Variants in HLA-DQA1 observed in about 807,000 individuals in gnomAD.
HLA-DQA1 encodes the protein major histocompatibility complex, class II, DQ alpha 1.
A neutral mutation model predicts 20.7 loss-of-function variants in HLA-DQA1; 10 were observed. That is an observed-to-expected ratio of 0.48 (90% CI 0.30 to 0.82). The LOEUF is 0.82. HLA-DQA1 is among the 40% of genes least tolerant of loss of function. The probability of loss-of-function intolerance (pLI) is 0.07; values close to 1 mark genes in which losing one functional copy is unlikely to be tolerated. For missense variants in HLA-DQA1, 127 were observed against 293.0 expected (o/e 0.43, Z 4.14); for synonymous variants, 39 against 109.2 (o/e 0.36, Z 4.01).
the HLA-DQA1 span, among the ~76,000 whole-genome samples, chr6:32,653,026 C>A: frequency 0.015 from 2,263 of 148,722 alleles, 75 homozygotes; most frequent in East Asian, 0.14. Context: ...TAGGTGGATT[C>A]TTCCTGGGAA....
intron 1 of HLA-DQA1, chr6:32,639,364 G>A (rs9272561): frequency 0.36 from 37,678 of 103,796 alleles, 11,305 homozygotes; most frequent in Admixed American, 0.45. Context: ...CCATATTTTT[G>A]TGGAGGAAGA....
chr6:32,653,608 T>C, the HLA-DQA1 span, among the ~76,000 whole-genome samples: 1 of 100,120 alleles, frequency 1.0e-5, no homozygotes, highest in African/African-American at 3.4e-5. Context: ...AAATTAAAAA[T>C]AGAACTACCA....
rs1780999442 is a variant in HLA-DQA1 at position 32,637,816 on chromosome 6, C to A, written c.82+276C>A. Among the ~76,000 whole-genome samples, 2 of 117,914 alleles carry A rather than the reference C, an allele frequency of 1.7e-5. 1 individual carries two copies. Among genetic ancestry groups the A allele is most frequent in the Non-Finnish European group, 3.7e-5 (2 of 54,364 alleles). 77.4% of individuals were successfully genotyped at this position (117,914 alleles called of 152,430 possible). A position where few individuals can be genotyped will look rare whatever the true frequency, so the allele number is the denominator to read the frequency against. On this transcript the variant is annotated intron_variant, in intron 1 of 4. Transcript: ENST00000343139. ...TCTCTATGTCGTTCCATCATGATTG[C>A]CTCAAAAATTAGTGAGGTTTCCATC...
downstream of HLA-DQA1, among the ~76,000 whole-genome samples, chr6:32,651,548 C>G (rs1159599057): frequency 1.6e-5 from 1 of 63,810 alleles, no homozygotes; most frequent in Non-Finnish European, 3.1e-5. Flanking sequence ...CGAGCCACTG[C>G]ACTCCAGCCT....
downstream of HLA-DQA1, chr6:32,645,756 A>C (rs796176254): frequency 1.5e-5 from 1 of 68,020 alleles, no homozygotes. Context: ...ATTAAAATGC[A>C]CAACGTGCTA....
chr6:32,648,888 G>A (rs200230551), downstream of HLA-DQA1, among the ~76,000 whole-genome samples: 3 of 97,012 alleles, frequency 3.1e-5, 1 homozygote, highest in Admixed American at 2.5e-4. Flanking sequence ...AAAGCCCATC[G>A]TCTCAGCCCA....
chr6:32,649,168 G>GGATA (rs2150985078), downstream of HLA-DQA1, among the ~76,000 whole-genome samples: 2 of 96,308 alleles, frequency 2.1e-5, 1 homozygote, highest in Non-Finnish European at 4.6e-5. Context: ...CAATGCTCGT[G>GGATA]GATAGGAAGA....
chr6:32,647,622 TC>T (rs1429866519), downstream of HLA-DQA1, among the ~76,000 whole-genome samples: 2 of 152,192 alleles, frequency 1.3e-5, no homozygotes, highest in African/African-American at 4.8e-5. Context: ...GTTTTTAGGC[TC>T]TTCTCATTTT....
downstream of HLA-DQA1, chr6:32,646,973 T>C (rs188816512): frequency 1.6e-3 from 214 of 137,586 alleles, 15 homozygotes; most frequent in Middle Eastern, 7.5e-3. Flanking sequence ...ATTAAGGAAT[T>C]ATCTAATTTT....
At chr6:32,647,901 G>T (rs1432179607), downstream of HLA-DQA1, among the ~76,000 whole-genome samples, 1 of 151,998 alleles carries the variant, frequency 6.6e-6, no homozygotes, top group Non-Finnish European at 1.5e-5. Flanking sequence ...GGTGAAAAGA[G>T]ATACATTCAT....
intron 1 of HLA-DQA1, among the ~76,000 whole-genome samples, chr6:32,640,299 T>C (rs1300544666): frequency 1.0e-5 from 1 of 99,498 alleles, no homozygotes; most frequent in Non-Finnish European, 2.3e-5. Context: ...CCATGCCTGA[T>C]TGGTGTTTTA....
At chr6:32,637,912 C>A (rs28383347) in intron 1 of HLA-DQA1, among the ~76,000 whole-genome samples, 7,123 of 104,624 alleles carry the variant, frequency 0.068, 571 homozygotes, top group Middle Eastern at 0.092. Context: ...ACTTTTGAAG[C>A]TTTTCGGATG....
the HLA-DQA1 span, among the ~76,000 whole-genome samples, chr6:32,652,682 C>T: frequency 0.54 from 71,975 of 132,498 alleles, 20,664 homozygotes; most frequent in Middle Eastern, 0.69. Context: ...GGTGCATGTA[C>T]CTCATTTTGT....
chr6:32,654,259 A>T, the HLA-DQA1 span, among the ~76,000 whole-genome samples: 1 of 85,178 alleles, frequency 1.2e-5, no homozygotes, highest in Non-Finnish European at 2.6e-5. Flanking sequence ...AGCTGTGATC[A>T]TACCACTGCA....
At chr6:32,641,223 G>C in intron 1 of HLA-DQA1, 87 bp from the exon 2 acceptor site, 1 of 914,922 alleles carries the variant, frequency 1.1e-6, no homozygotes, top group Non-Finnish European at 1.6e-6. Flanking sequence ...CATAATATTT[G>C]AAAGTCAGTT....
Position 32,642,078 on chromosome 6 carries a change from A to C in HLA-DQA1, c.438A>C (p.Thr146=), listed in dbSNP as rs1048173. 0.07 allele frequency: 75,191 copies of C among 1,081,550 alleles called. 17,084 individuals carry two copies. Among genetic ancestry groups the C allele is most frequent in the South Asian group, 0.18 (13,603 of 74,128 alleles). 67.0% of individuals were successfully genotyped at this position (1,081,550 alleles called of 1,614,324 possible). The change falls in exon 3 of 5, where the codon ACA becomes ACC. Residue 146 remains threonine (T), a synonymous_variant. Transcript: ENST00000343139. ...TCTTTCCTCCTGTGGTCAACATCACATGGCTGAGCAATGGGCAGTCAGTCA... is the reference window on the plus strand; with the variant it reads ...TCTTTCCTCCTGTGGTCAACATCACCTGGCTGAGCAATGGGCAGTCAGTCA... ...DNIFPPVVNI[T]WLSNGQSVTE... is the part of the protein sequence containing the mutation.
At chr6:32,647,655 A>C (rs1273740417), downstream of HLA-DQA1, among the ~76,000 whole-genome samples, 1 of 152,166 alleles carries the variant, frequency 6.6e-6, no homozygotes, top group Non-Finnish European at 1.5e-5. Flanking sequence ...GGAAACCCTG[A>C]GTATCCAAAT....
Position 32,643,277 on chromosome 6 carries a change from T to C in HLA-DQA1, c.*346T>C, listed in dbSNP as rs28376734. The C allele has an allele frequency of 0.25, 76,558 of 304,782 alleles. 23,572 individuals are homozygous for C. The highest frequency in any genetic ancestry group is 0.31 in the South Asian group (12,432 of 40,434). The allele number at this position is 304,782 out of a possible 1,614,324, so 18.9% of individuals were successfully genotyped here. ...TTTTATGAGATCTATGTCAAATTTT[T>C]CCATCTTTCATCCAGGGCTGACTGA... On this transcript the variant is annotated 3_prime_UTR_variant, in exon 5 of 5. Coordinates refer to ENST00000343139, the MANE Select transcript of HLA-DQA1 (RefSeq NM_002122.5).
chr6:32,653,030 C>T, the HLA-DQA1 span, among the ~76,000 whole-genome samples: 6 of 149,060 alleles, frequency 4.0e-5, no homozygotes, highest in East Asian at 1.2e-3. Context: ...TGGATTCTTC[C>T]TGGGAAGTGG....
Sources: gnomAD v4.1 joint callset for allele counts (sites outside exome capture counted in the v4.1 genomes callset) on GRCh38, gnomAD v4.1.1 for gene constraint, MANE v1.5 for transcripts, NCBI Gene and HGNC (gene_info 2026-07-23, HGNC 2026-07-21) for gene names.